Variants in SEMA3C observed in about 807,000 individuals in gnomAD.
The protein encoded by SEMA3C is semaphorin 3C, also known as semaphorin-3C.
SEMA3C carries 47 observed loss-of-function variants against 89.4 expected under a neutral mutation model. That is an observed-to-expected ratio of 0.53 (90% CI 0.42 to 0.67). The LOEUF (loss-of-function observed/expected upper bound fraction) is 0.67. SEMA3C is among the 30% of genes least tolerant of loss of function. SEMA3C has a pLI of 0.00. For missense variants in SEMA3C, 839 were observed against 929.1 expected, an observed-to-expected ratio of 0.90 and a Z score of 1.26; for synonymous variants, 310 against 320.2, an observed-to-expected ratio of 0.97 and a Z score of 0.34.
chr7:80,913,478 AACTCAC>A (rs1462147508), intron 2 of SEMA3C, among the ~76,000 whole-genome samples: 1 of 152,180 alleles, frequency 6.6e-6, no homozygotes, highest in African/African-American at 2.4e-5. Flanking sequence ...TCCAATTCAA[AACTCAC>A]ACTCAGTTTT....
At chr7:80,919,267 C>T, upstream of SEMA3C, 2 of 985,260 alleles carry the variant, frequency 2.0e-6, no homozygotes, top group Non-Finnish European at 2.4e-6. Flanking sequence ...GGGGCCGACC[C>T]TTAGAGCTCG....
intron 2 of SEMA3C, among the ~76,000 whole-genome samples, chr7:80,842,341 C>T (rs1235262825): frequency 6.6e-6 from 1 of 152,134 alleles, no homozygotes; most frequent in African/African-American, 2.4e-5. Flanking sequence ...ATCACTCAAG[C>T]TTTCAAAAGA....
chr7:80,882,579 T>C (rs1022615940), intron 2 of SEMA3C, among the ~76,000 whole-genome samples: 68 of 152,004 alleles, frequency 4.5e-4, no homozygotes, highest in African/African-American at 1.6e-3. Context: ...AGCACTCACA[T>C]CAATAAAATA....
chr7:80,849,170 T>C (rs747577720), intron 2 of SEMA3C, among the ~76,000 whole-genome samples: 19 of 152,324 alleles, frequency 1.2e-4, no homozygotes, highest in Non-Finnish European at 2.6e-4. Context: ...CTTAATCTTC[T>C]ACAGTAATCT....
intron 10 of SEMA3C, 43 bp downstream of exon 10, chr7:80,800,714 A>G: frequency 8.7e-7 from 1 of 1,153,548 alleles, no homozygotes; most frequent in African/African-American, 1.6e-5. Flanking sequence ...TACTCCATGA[A>G]GTTTATTGTT....
intron 2 of SEMA3C, among the ~76,000 whole-genome samples, chr7:80,858,682 A>G (rs145954732): frequency 1.2e-3 from 178 of 152,332 alleles, no homozygotes; most frequent in African/African-American, 4.1e-3. Context: ...AATACCTAAG[A>G]TAAACAGAAA....
Position 80,798,119 on chromosome 7 carries a change from G to C in SEMA3C, c.1104C>G (p.Gly368=), listed in dbSNP as rs774429156. Residue 368 remains glycine, a synonymous_variant, in exon 11 of 18, where the codon GGC becomes GGG. Transcript: ENST00000265361. ...TTCCAGGGCGAGGATATGGAATTCT[G>C]CCCTGATAGGAAATCAGCTGATGAT... ...GPNHQLISYQ[G]RIPYPRPGTC... 1.2e-6 allele frequency: 2 copies of C among 1,607,380 alleles called. No individual in the cohort carries two copies. Among genetic ancestry groups the C allele is most frequent in the Admixed American group, 1.7e-5 (1 of 58,758 alleles).
At chr7:80,827,295 G>C (rs1462412532) in intron 4 of SEMA3C, 130 bp downstream of exon 4, 1 of 897,570 alleles carries the variant, frequency 1.1e-6, no homozygotes, top group Non-Finnish European at 1.6e-6. Flanking sequence ...TAGGTTTTTA[G>C]CCTGTGTCCA....
At chr7:80,845,271 G>A (rs1454890725) in intron 2 of SEMA3C, among the ~76,000 whole-genome samples, 7 of 151,564 alleles carry the variant, frequency 4.6e-5, no homozygotes, top group Middle Eastern at 3.4e-3. Context: ...TAGATACTGG[G>A]AAGTTGATCA....
At chr7:80,787,572 G>A (rs191549409) in intron 12 of SEMA3C, among the ~76,000 whole-genome samples, 1 of 152,178 alleles carries the variant, frequency 6.6e-6, no homozygotes. Flanking sequence ...GATGCAAATA[G>A]GAGAGAGAGG....
chr7:80,802,846 C>A, intron 8 of SEMA3C, 67 bp from the exon 9 acceptor site: 1 of 1,161,030 alleles, frequency 8.6e-7, no homozygotes, highest in Non-Finnish European at 1.3e-6. Context: ...AAAAATTCGA[C>A]TTGTACTCTA....
intron 2 of SEMA3C, among the ~76,000 whole-genome samples, chr7:80,830,515 A>G (rs1398453926): frequency 6.6e-6 from 1 of 152,222 alleles, no homozygotes; most frequent in Non-Finnish European, 1.5e-5. Flanking sequence ...ACATAATCTT[A>G]TAGCCTCAAA....
chr7:80,798,428 T>C (rs1263965380), intron 10 of SEMA3C, among the ~76,000 whole-genome samples, 192 bp from the exon 11 acceptor site: 2 of 152,178 alleles, frequency 1.3e-5, no homozygotes, highest in African/African-American at 4.8e-5. Flanking sequence ...CAATACTCAA[T>C]TCATCCATGG....
intron 17 of SEMA3C, among the ~76,000 whole-genome samples, chr7:80,745,869 CAA>C (rs1166085822): frequency 6.6e-6 from 1 of 151,954 alleles, no homozygotes; most frequent in African/African-American, 2.4e-5. Context: ...TCAATTATCC[CAA>C]AATAAACAAT....
chr7:80,762,227 G>A (rs1583853074), intron 13 of SEMA3C, among the ~76,000 whole-genome samples: 1 of 152,026 alleles, frequency 6.6e-6, no homozygotes, highest in South Asian at 2.1e-4. Flanking sequence ...TTGGATCCAC[G>A]GACTCAGGTG....
chr7:80,913,522 G>A (rs1448391866), intron 2 of SEMA3C, among the ~76,000 whole-genome samples: 1 of 152,210 alleles, frequency 6.6e-6, no homozygotes, highest in Non-Finnish European at 1.5e-5. Context: ...TCATGCATAT[G>A]CAAATGTAAA....
chr7:80,819,376 A>C (rs916865861), intron 4 of SEMA3C, among the ~76,000 whole-genome samples: 10 of 152,182 alleles, frequency 6.6e-5, no homozygotes, highest in African/African-American at 2.4e-4. Flanking sequence ...TCTTTACCTG[A>C]GAAAGTTTAC....
chr7:80,850,978 A>G (rs1010467549), intron 2 of SEMA3C, among the ~76,000 whole-genome samples: 2 of 152,078 alleles, frequency 1.3e-5, no homozygotes, highest in African/African-American at 4.8e-5. Context: ...GGCTTTGGGG[A>G]TCTGTTTCTT....
At chr7:80,787,323 C>T (rs922520494) in intron 12 of SEMA3C, among the ~76,000 whole-genome samples, 3 of 144,646 alleles carry the variant, frequency 2.1e-5, no homozygotes, top group African/African-American at 7.7e-5. Flanking sequence ...ACCCGGGAGG[C>T]AGAGGTTGCA....
Sources: allele counts gnomAD v4.1 joint callset (sites outside exome capture counted in the v4.1 genomes callset), GRCh38; gene constraint gnomAD v4.1.1; transcripts MANE v1.5; gene names NCBI Gene and HGNC (gene_info 2026-07-23, HGNC 2026-07-21).